Variants in FBXL7 observed in about 807,000 individuals in gnomAD.
The protein encoded by FBXL7 is F-box/LRR-repeat protein 7.
Under a neutral mutation model 38.3 loss-of-function variants are expected in FBXL7, and 12 were observed. That is an observed-to-expected ratio of 0.31 (90% CI 0.20 to 0.51). The LOEUF is 0.51. Among genes scored for constraint, FBXL7 ranks in the 20% least tolerant of loss-of-function variants. The pLI is 0.98. For synonymous variants in FBXL7, 297 were observed against 300.9 expected (o/e 0.99, Z 0.13); for missense variants, 567 against 676.4 (o/e 0.84, Z 1.79).
At chr5:15,661,487 C>A (rs367717736) in intron 2 of FBXL7, among the ~76,000 whole-genome samples, 4 of 152,078 alleles carry the variant, frequency 2.6e-5, no homozygotes, top group African/African-American at 9.7e-5. Flanking sequence ...TTTCAGGAAG[C>A]AAAGCATTGT....
chr5:15,520,467 T>C (rs2126373205), intron 1 of FBXL7, among the ~76,000 whole-genome samples: 1 of 152,338 alleles, frequency 6.6e-6, no homozygotes, highest in Admixed American at 6.5e-5. Context: ...ATTGTATTTA[T>C]GTTGTGGGTA....
At chr5:15,515,637 A>T (rs1218347624) in intron 1 of FBXL7, among the ~76,000 whole-genome samples, 1 of 152,178 alleles carries the variant, frequency 6.6e-6, no homozygotes, top group Non-Finnish European at 1.5e-5. Flanking sequence ...GAAGCAGCAG[A>T]TGGTTATAGT....
chr5:15,574,382 G>A (rs1422857193), intron 1 of FBXL7, among the ~76,000 whole-genome samples: 3 of 152,192 alleles, frequency 2.0e-5, no homozygotes, highest in Admixed American at 2.0e-4. Context: ...TTCAGTGTAA[G>A]AGAAAGATAT....
chr5:15,577,417 T>G (rs1174276152), intron 1 of FBXL7, among the ~76,000 whole-genome samples: 1 of 152,188 alleles, frequency 6.6e-6, no homozygotes, highest in Non-Finnish European at 1.5e-5. Flanking sequence ...TTATGGAAAG[T>G]GTCTATGTGA....
intron 2 of FBXL7, among the ~76,000 whole-genome samples, chr5:15,661,644 CAT>C (rs1316975859): frequency 3.3e-5 from 5 of 152,164 alleles, no homozygotes; most frequent in Admixed American, 6.5e-5. Flanking sequence ...TTTTATCACA[CAT>C]GTGTGAAACC....
At chr5:15,712,284 A>G (rs2126643560) in intron 2 of FBXL7, among the ~76,000 whole-genome samples, 1 of 151,018 alleles carries the variant, frequency 6.6e-6, no homozygotes, top group Middle Eastern at 3.4e-3. Context: ...TTATATCTCC[A>G]GTATTGGAAA....
At chr5:15,658,341 T>A (rs924856072) in intron 2 of FBXL7, among the ~76,000 whole-genome samples, 4 of 152,222 alleles carry the variant, frequency 2.6e-5, no homozygotes, top group African/African-American at 9.6e-5. Flanking sequence ...TTTGGCTGTG[T>A]CCCCACCAAA....
chr5:15,737,555 C>T (rs928521525), intron 2 of FBXL7, among the ~76,000 whole-genome samples: 1 of 152,162 alleles, frequency 6.6e-6, no homozygotes, highest in African/African-American at 2.4e-5. Context: ...GGCATTGCTT[C>T]AGGAGATGTT....
At position 15,868,306 on chromosome 5, in the gene FBXL7, A is replaced by T. The variant is rs573945716; in HGVS notation, c.128-59584A>T. On this transcript the variant is annotated intron_variant, in intron 2 of 3. Coordinates refer to ENST00000504595, the MANE Select transcript of FBXL7 (RefSeq NM_012304.5). ...AGTTTGCCTCTAGAACCTCCAGAAA[A>T]GAATGCAGCTCTCCTGATGCCTTGA... Among the ~76,000 whole-genome samples the T allele has an allele frequency of 3.9e-4, 60 of 152,312 alleles. No individual in the cohort carries two copies. The East Asian group carries it at 4.8e-3, about 12-fold the overall frequency.
intron 2 of FBXL7, among the ~76,000 whole-genome samples, chr5:15,926,859 C>T (rs972080325): frequency 3.3e-5 from 5 of 152,072 alleles, no homozygotes; most frequent in Non-Finnish European, 7.4e-5. Flanking sequence ...CGGGAGCAGA[C>T]ACTGGGAGAA....
At chr5:15,529,246 G>A (rs901974664) in intron 1 of FBXL7, among the ~76,000 whole-genome samples, 1 of 152,178 alleles carries the variant, frequency 6.6e-6, no homozygotes, top group African/African-American at 2.4e-5. Context: ...CGAATGACAG[G>A]ATTGCATTCT....
At chr5:15,838,281 C>G (rs559079878) in intron 2 of FBXL7, among the ~76,000 whole-genome samples, 117 of 152,266 alleles carry the variant, frequency 7.7e-4, no homozygotes, top group African/African-American at 2.3e-3. Flanking sequence ...CTGGAGAACC[C>G]TAGATTGAAG....
At position 15,616,034 on chromosome 5, in the gene FBXL7, C is replaced by G. The variant is rs376437263; in HGVS notation, c.89C>G (p.Thr30Arg). ...SSDVSSSTDHTPTKAQKNVAT... is the reference protein window; with the variant it reads ...SSDVSSSTDHRPTKAQKNVAT... ...GACGTGAGTTCAAGTACAGATCACA[C>G]GCCCACTAAAGCCCAGAAGAATGTG... Residue 30 changes from threonine to arginine, a missense_variant, in exon 2 of 4, where the codon ACG becomes AGG. By Grantham distance (71) the Thr-to-Arg change is moderately conservative (BLOSUM62 -1). Coordinates refer to ENST00000504595, the MANE Select transcript of FBXL7 (RefSeq NM_012304.5). 1.2e-6 allele frequency: 2 copies of G among 1,613,344 alleles called. No individual in the cohort carries two copies. Among genetic ancestry groups the G allele is most frequent in the African/African-American group, 2.7e-5 (2 of 74,878 alleles).
intron 2 of FBXL7, among the ~76,000 whole-genome samples, chr5:15,793,529 C>CA (rs922295042): frequency 2.0e-5 from 3 of 152,052 alleles, no homozygotes; most frequent in Admixed American, 6.5e-5. Context: ...ATTATATCTG[C>CA]AAAAAACGTT....
intron 2 of FBXL7, among the ~76,000 whole-genome samples, chr5:15,685,717 G>A (rs1742996607): frequency 6.6e-6 from 1 of 152,156 alleles, no homozygotes; most frequent in Non-Finnish European, 1.5e-5. Flanking sequence ...TGCTTTAGTT[G>A]TCATCTGTAA....
At chr5:15,517,340 C>T (rs1485726923) in intron 1 of FBXL7, among the ~76,000 whole-genome samples, 3 of 152,170 alleles carry the variant, frequency 2.0e-5, no homozygotes, top group Non-Finnish European at 4.4e-5. Flanking sequence ...ACTGGAGGAA[C>T]CATAGATGGT....
At chr5:15,875,857 A>T (rs554812911) in intron 2 of FBXL7, among the ~76,000 whole-genome samples, 1 of 152,314 alleles carries the variant, frequency 6.6e-6, no homozygotes, top group African/African-American at 2.4e-5. Context: ...TTTCTTAAGG[A>T]TCTAGAACTA....
chr5:15,854,551 A>C (rs1276087984), intron 2 of FBXL7, among the ~76,000 whole-genome samples: 1 of 152,212 alleles, frequency 6.6e-6, no homozygotes, highest in African/African-American at 2.4e-5. Flanking sequence ...AGTTCAACTC[A>C]AATGCTTTTC....
At chr5:15,894,329 A>T (rs1020415321) in intron 2 of FBXL7, among the ~76,000 whole-genome samples, 27 of 152,354 alleles carry the variant, frequency 1.8e-4, no homozygotes, top group Non-Finnish European at 2.4e-4. Context: ...AGAAGGGTCA[A>T]ATGGACTTCT....
Sources: gnomAD v4.1 joint callset for allele counts (sites outside exome capture counted in the v4.1 genomes callset) on GRCh38, gnomAD v4.1.1 for gene constraint, MANE v1.5 for transcripts, NCBI Gene and HGNC (gene_info 2026-07-23, HGNC 2026-07-21) for gene names.